MAP3K12: variants seen among roughly 807,000 people sequenced by gnomAD.
The protein encoded by MAP3K12 is MAPK-upstream kinase.
MAP3K12 carries 14 observed loss-of-function variants against 87.5 expected under a neutral mutation model. That is an observed-to-expected ratio of 0.16 (90% confidence interval 0.11 to 0.25). The LOEUF (loss-of-function observed/expected upper bound fraction) is 0.25. Among genes scored for constraint, MAP3K12 ranks in the 10% least tolerant of loss-of-function variants. The probability of loss-of-function intolerance (pLI) is 1.00; values close to 1 mark genes in which losing one functional copy is unlikely to be tolerated. For missense variants in MAP3K12, 802 were observed against 1,140.4 expected (o/e 0.70, Z 4.27); for synonymous variants, 469 against 452.5 (o/e 1.04, Z -0.46).
In MAP3K12 at chr12:53,487,314, C is replaced by T; in HGVS notation, c.78G>A (p.Met26Ile). 1 of 1,614,062 alleles carries T rather than the reference C, an allele frequency of 6.2e-7. No individual in the cohort carries two copies. Among genetic ancestry groups the T allele is most frequent in the Non-Finnish European group, 8.5e-7 (1 of 1,179,998 alleles). The change falls in exon 2 of 14, where the codon ATG becomes ATA. Residue 26 changes from methionine to isoleucine, a missense_variant. Transcript: ENST00000547488. The part of the protein sequence containing the change: ...GFVSTLSEAS[M>I]RKLDPDTSDC... ...CAGAAGTGTCTGGGTCCAGCTTGCG[C>T]ATGGATGCCTCACTTAGGGTAGACA...
At chr12:53,484,754 C>CA (rs573551465) in intron 6 of MAP3K12, 3 of 482,440 alleles carry the variant, frequency 6.2e-6, no homozygotes, top group African/African-American at 5.8e-5. Context: ...ACTTGAGGCT[C>CA]AACCAACCAT....
chr12:53,501,343 G>T, upstream of MAP3K12: 1 of 1,540,008 alleles, frequency 6.5e-7, no homozygotes, highest in Non-Finnish European at 8.8e-7. Context: ...GCCCTAGCTC[G>T]TCGGCTGTGT....
intron 1 of MAP3K12, among the ~76,000 whole-genome samples, chr12:53,491,582 C>T (rs1455175096): frequency 6.6e-6 from 1 of 150,936 alleles, no homozygotes; most frequent in Non-Finnish European, 1.5e-5. Flanking sequence ...TACAGGCGCC[C>T]GCCACGACGC....
chr12:53,483,759 G>C (rs545350812), intron 8 of MAP3K12, 36 bp from the exon 9 acceptor site: 2 of 1,613,128 alleles, frequency 1.2e-6, no homozygotes, highest in African/African-American at 1.3e-5. Flanking sequence ...AGGTGAACTG[G>C]GTTCACCTAG....
rs941381697 is a variant in MAP3K12, at chr12:53,481,772, G to A, written c.2580+169C>T. 2.4e-5 allele frequency: 18 copies of A among 755,660 alleles called. 1 individual carries two copies. The highest frequency in any genetic ancestry group is 3.6e-5 in the Non-Finnish European group (17 of 477,886). 46.8% of individuals were successfully genotyped at this position (755,660 alleles called of 1,614,324 possible). A position where few individuals can be genotyped will look rare whatever the true frequency, so the allele number is the denominator to read the frequency against. On this transcript the variant is annotated intron_variant, in intron 13 of 13. Transcript: ENST00000547488. ...ACATGCAAGCTACTGGTCAGGCATC[G>A]TAATAGATGCTCTGTGCAAGAGGCT...
chr12:53,487,495 T>G, intron 1 of MAP3K12, 67 bp from the exon 2 acceptor site: 1 of 1,474,176 alleles, frequency 6.8e-7, no homozygotes. Context: ...AGGACACTTA[T>G]CCCAGAGGCA....
chr12:53,487,716 G>T, intron 1 of MAP3K12: 1 of 277,912 alleles, frequency 3.6e-6, no homozygotes. Context: ...GGTACACACT[G>T]GTAAAATATG....
chr12:53,483,732 G>T lies in MAP3K12; in HGVS notation c.1359-9C>A. 1.9e-6 allele frequency: 3 copies of T among 1,613,684 alleles called. No homozygotes were observed. Among genetic ancestry groups the T allele is most frequent in the Non-Finnish European group, 2.5e-6 (3 of 1,180,004 alleles). ...TGATGTCCAGGGCGTGTCTGCAACG[G>T]GCAGAAAGGTTCCCCAAGGTGAACT... On this transcript the variant is annotated splice_polypyrimidine_tract_variant and intron_variant, in intron 8 of 13. Coordinates refer to ENST00000547488, the MANE Select transcript of MAP3K12 (RefSeq NM_001193511.2).
intron 1 of MAP3K12, among the ~76,000 whole-genome samples, chr12:53,492,470 A>AAC (rs1016154688): frequency 6.6e-6 from 1 of 151,782 alleles, no homozygotes; most frequent in Non-Finnish European, 1.5e-5. Context: ...CGCGCGCGCA[A>AAC]ACACACACAC....
rs1029430648 is a variant in MAP3K12, at chr12:53,486,937, C to T, written c.445+10G>A. The T allele has an allele frequency of 6.2e-6, 10 of 1,610,732 alleles. No homozygotes were observed. Among genetic ancestry groups the T allele is most frequent in the African/African-American group, 1.3e-5 (1 of 74,974 alleles). Reference sequence around the variant, plus strand: ...AACAGAGAGGAGGCTCCCACAAGGACGTGGCCTACCTTCCTGCTGCTGCTT... The same window carrying T: ...AACAGAGAGGAGGCTCCCACAAGGATGTGGCCTACCTTCCTGCTGCTGCTT... On this transcript the variant is annotated intron_variant, in intron 2 of 13. Coordinates refer to ENST00000547488, the MANE Select transcript of MAP3K12 (RefSeq NM_001193511.2). The surrounding 1 kb of genome is among the most constrained non-coding windows in gnomAD (Gnocchi z 4.9).
At chr12:53,483,766 C>G (rs756082306) in intron 8 of MAP3K12, 43 bp from the exon 9 acceptor site, 2 of 1,613,148 alleles carry the variant, frequency 1.2e-6, no homozygotes, top group African/African-American at 1.3e-5. Flanking sequence ...CTGGGTTCAC[C>G]TAGGGCCATA....
At chr12:53,496,761 T>C (rs747278125) in intron 1 of MAP3K12, among the ~76,000 whole-genome samples, 1 of 152,200 alleles carries the variant, frequency 6.6e-6, no homozygotes, top group African/African-American at 2.4e-5. Context: ...AAAATTTAAA[T>C]TGTAAAAGAG....
chr12:53,501,363 C>A (rs779422499), upstream of MAP3K12: 19 of 1,550,518 alleles, frequency 1.2e-5, no homozygotes, highest in East Asian at 4.6e-4. Flanking sequence ...TATTGGGGCG[C>A]GTGGAGGCTG....
intron 1 of MAP3K12, among the ~76,000 whole-genome samples, chr12:53,492,310 G>C (rs1943435849): frequency 2.6e-5 from 4 of 152,164 alleles, no homozygotes; most frequent in Admixed American, 2.0e-4. Context: ...TGAGAGCCTG[G>C]ACAGCCTTTA....
chr12:53,487,159 T>C lies in MAP3K12; in HGVS notation c.233A>G (p.Asn78Ser), dbSNP rs1265750063. ...GGEPPPEPFA[N>S]SVLQLHEQDA... Reference sequence around the variant, plus strand: ...CTGCTCATGTAGCTGCAGGACACTGTTGGCAAAAGGCTCAGGGGGCGGCTC... The same window carrying C: ...CTGCTCATGTAGCTGCAGGACACTGCTGGCAAAAGGCTCAGGGGGCGGCTC... Residue 78 changes from asparagine (N) to serine (S), a missense_variant, in exon 2 of 14, where the codon AAC becomes AGC. Physicochemically the swap from Asn to Ser is conservative, Grantham distance 46. This residue lies in a region of MAP3K12 where 135 missense variants were observed against 151.6 expected (regional missense o/e 0.89). Transcript: ENST00000547488. The C allele has an allele frequency of 3.1e-6, 5 of 1,614,016 alleles. No homozygotes were observed. Among genetic ancestry groups the C allele is most frequent in the Non-Finnish European group, 4.2e-6 (5 of 1,179,994 alleles).
intron 1 of MAP3K12, among the ~76,000 whole-genome samples, chr12:53,492,464 C>T (rs1943440969): frequency 6.6e-6 from 1 of 152,008 alleles, no homozygotes; most frequent in Non-Finnish European, 1.5e-5. Flanking sequence ...CGCGCGCGCG[C>T]GCGCAAACAC....
At position 53,482,071 on chromosome 12, in the gene MAP3K12, G is replaced by A. The variant is rs1156994878; in HGVS notation, c.2450C>T (p.Pro817Leu). ...EVGSTNTDER[P>L]DERSDDMCSQ... is the part of the protein sequence containing the mutation. ...GCACATGTCATCAGACCGCTCATCT[G>A]GCCGCTCATCAGTGTTGGTGCTGCC... The change falls in exon 13 of 14, where the codon CCA (proline) becomes CTA (leucine). Residue 817 changes from proline to leucine, a missense_variant. This residue lies in a region of MAP3K12 where 490 missense variants were observed against 496.6 expected (regional missense o/e 0.99). Transcript: ENST00000547488. The A allele has an allele frequency of 2.5e-6, 4 of 1,614,154 alleles. No homozygotes were observed. In the East Asian group the frequency reaches 8.9e-5, roughly 36 times the overall value.
At chr12:53,484,617 A>G (rs576727469) in intron 6 of MAP3K12, 162 of 497,920 alleles carry the variant, frequency 3.3e-4, no homozygotes, top group Middle Eastern at 3.2e-3. Context: ...CCTTTTCTGA[A>G]TAACTTCATT....
chr12:53,490,520 C>T lies in MAP3K12; in HGVS notation c.-37-3092G>A, dbSNP rs544136139. Among the ~76,000 whole-genome samples the T allele has an allele frequency of 4.3e-4, 66 of 152,084 alleles. 1 individual carries two copies. The East Asian group carries it at 0.011, about 25-fold the overall frequency. Reference sequence around the variant, plus strand: ...CAGCACTCTGGGAGGCCGAGGCGGGCGGATCACGAGGTCAGGAGATCGAGA... The same window carrying T: ...CAGCACTCTGGGAGGCCGAGGCGGGTGGATCACGAGGTCAGGAGATCGAGA... On this transcript the variant is annotated intron_variant, in intron 1 of 13. Transcript: ENST00000547488.
Sources: allele counts gnomAD v4.1 joint callset (sites outside exome capture counted in the v4.1 genomes callset), GRCh38; gene constraint gnomAD v4.1.1; regional missense constraint gnomAD v4.1.1; non-coding constraint Gnocchi (gnomAD v3.1); transcripts MANE v1.5; gene names NCBI Gene and HGNC (gene_info 2026-07-23, HGNC 2026-07-21).